The following MAD1L1 variants were observed in gnomAD, a reference collection of about 807,000 sequenced individuals.
MAD1L1 encodes mitotic arrest deficient 1 like 1.
Under a neutral mutation model 96.9 loss-of-function variants are expected in MAD1L1, and 95 were observed. The ratio of observed to expected loss-of-function variants is 0.98; its 90% CI spans 0.83 to 1.16. The LOEUF (loss-of-function observed/expected upper bound fraction) is 1.16, where lower values mean the gene tolerates loss of function less well. MAD1L1 is among the 50% of genes most tolerant of loss of function. The probability of loss-of-function intolerance (pLI) is 0.00; values close to 1 mark genes in which losing one functional copy is unlikely to be tolerated. For missense variants in MAD1L1, 1,007 were observed against 954.4 expected, an observed-to-expected ratio of 1.06 and a Z score of -0.73; for synonymous variants, 473 against 396.6, an observed-to-expected ratio of 1.19 and a Z score of -2.29.
At chr7:1,904,501 G>T (rs1420768501) in intron 17 of MAD1L1, among the ~76,000 whole-genome samples, 5 of 127,050 alleles carry the variant, frequency 3.9e-5, no homozygotes, top group African/African-American at 1.1e-4. Flanking sequence ...AGTGGCCTAT[G>T]GAAGATGCTC....
chr7:1,921,826 G>C (rs1562526480), intron 17 of MAD1L1, among the ~76,000 whole-genome samples: 1 of 151,934 alleles, frequency 6.6e-6, no homozygotes, highest in South Asian at 2.1e-4. Context: ...TTAGTGATCT[G>C]GAAAAAAAAT....
At chr7:1,945,719 G>A (rs886587661) in intron 16 of MAD1L1, among the ~76,000 whole-genome samples, 3 of 152,214 alleles carry the variant, frequency 2.0e-5, no homozygotes, top group African/African-American at 7.2e-5. Context: ...CAGCACTCAC[G>A]CGACCCCTCA....
chr7:2,216,084 CTGCACAGTGGGCTCCATG>C, intron 8 of MAD1L1, 55 bp downstream of exon 8: 4 of 1,608,466 alleles, frequency 2.5e-6, no homozygotes, highest in Non-Finnish European at 3.4e-6. Context: ...CCTACAGGGT[CTGCACAGTGGGCTCCATG>C]TGCACAAACC....
intron 15 of MAD1L1, among the ~76,000 whole-genome samples, chr7:1,970,225 C>T (rs1780342910): frequency 6.6e-6 from 1 of 151,644 alleles, no homozygotes; most frequent in Admixed American, 6.6e-5. Context: ...TGGAGGATTC[C>T]TGAAGGGTTG....
chr7:1,929,517 G>A (rs1028206029), intron 17 of MAD1L1, among the ~76,000 whole-genome samples: 1 of 152,120 alleles, frequency 6.6e-6, no homozygotes, highest in Non-Finnish European at 1.5e-5. Flanking sequence ...CCTTGTCAAA[G>A]ACACCAGGAA....
intron 18 of MAD1L1, among the ~76,000 whole-genome samples, chr7:1,896,487 T>C (rs1270168625): frequency 6.6e-6 from 1 of 152,182 alleles, no homozygotes; most frequent in Non-Finnish European, 1.5e-5. Context: ...GTCAAGATGC[T>C]ACTTGCTGAC....
In MAD1L1 at chr7:1,912,901, G is replaced by A. The variant is rs530602438; in HGVS notation, c.1808-14511C>T. 1.2e-4 allele frequency among the ~76,000 whole-genome samples: 18 copies of A among 152,254 alleles called. No individual in the cohort carries two copies. In the East Asian group the frequency reaches 2.7e-3, roughly 23 times the overall value. ...TGGCGGCGGCGAGGTCCTGGGAGACGTGGGGGCGGGGCTGTGTGGGCTCCG... is the reference window on the plus strand; with the variant it reads ...TGGCGGCGGCGAGGTCCTGGGAGACATGGGGGCGGGGCTGTGTGGGCTCCG... On this transcript the variant is annotated intron_variant, in intron 17 of 18. Coordinates refer to ENST00000265854, the MANE Select transcript of MAD1L1 (RefSeq NM_001013836.2).
intron 10 of MAD1L1, among the ~76,000 whole-genome samples, chr7:2,157,963 G>A (rs976004117): frequency 1.3e-5 from 2 of 152,150 alleles, no homozygotes; most frequent in Non-Finnish European, 2.9e-5. Flanking sequence ...TCTGAAACCC[G>A]CACTTCACCA....
intron 17 of MAD1L1, among the ~76,000 whole-genome samples, chr7:1,933,288 A>T (rs1789586805): frequency 6.6e-6 from 1 of 152,204 alleles, no homozygotes; most frequent in Non-Finnish European, 1.5e-5. Flanking sequence ...GGAGCGATCC[A>T]TGGGAGCTGT....
At chr7:1,900,595 C>T (rs945014721) in intron 17 of MAD1L1, among the ~76,000 whole-genome samples, 7 of 152,170 alleles carry the variant, frequency 4.6e-5, no homozygotes, top group African/African-American at 1.7e-4. Flanking sequence ...TCCCTGCGTC[C>T]CTCGGCTGAT....
intron 17 of MAD1L1, among the ~76,000 whole-genome samples, chr7:1,905,475 G>A (rs1261481332): frequency 4.0e-5 from 6 of 151,080 alleles, no homozygotes; most frequent in Non-Finnish European, 7.4e-5. Context: ...TATGGAAGAC[G>A]CTCTTGCGGA....
intron 17 of MAD1L1, among the ~76,000 whole-genome samples, chr7:1,906,127 T>C (rs1005858949): frequency 3.3e-5 from 5 of 150,798 alleles, no homozygotes; most frequent in African/African-American, 1.2e-4. Flanking sequence ...AGCACTGCCC[T>C]GAGGAGACCA....
At chr7:1,898,815 G>A (rs898979345) in intron 17 of MAD1L1, among the ~76,000 whole-genome samples, 2 of 152,200 alleles carry the variant, frequency 1.3e-5, no homozygotes, top group Non-Finnish European at 1.5e-5. Flanking sequence ...GGATTTAGGC[G>A]AGAACCGCGT....
chr7:1,946,190 G>T (rs1205658853), intron 16 of MAD1L1, among the ~76,000 whole-genome samples: 1 of 152,216 alleles, frequency 6.6e-6, no homozygotes, highest in Non-Finnish European at 1.5e-5. Flanking sequence ...ATTCTGGCAG[G>T]ACGCCTCCTG....
intron 18 of MAD1L1, among the ~76,000 whole-genome samples, chr7:1,843,840 G>C (rs10807751): frequency 0.54 from 82,630 of 151,796 alleles, 22,652 homozygotes; most frequent in South Asian, 0.7. Context: ...AAACGAGCGT[G>C]AGCTCCGAAT....
chr7:1,819,923 A>G (rs1372100243), intron 18 of MAD1L1, among the ~76,000 whole-genome samples: 1 of 152,100 alleles, frequency 6.6e-6, no homozygotes. Context: ...GAGGGGAGGA[A>G]GCTAGAGATG....
At chr7:1,860,119 C>A (rs1173363791) in intron 18 of MAD1L1, among the ~76,000 whole-genome samples, 1 of 146,778 alleles carries the variant, frequency 6.8e-6, no homozygotes, top group Admixed American at 6.7e-5. Flanking sequence ...CCTCTGTGTC[C>A]CTAGACCTGA....
intron 10 of MAD1L1, among the ~76,000 whole-genome samples, chr7:2,166,789 G>A (rs1354841598): frequency 6.6e-6 from 1 of 152,190 alleles, no homozygotes; most frequent in Non-Finnish European, 1.5e-5. Context: ...CGCCTGGCAG[G>A]GAGCTGCAGG....
intron 12 of MAD1L1, among the ~76,000 whole-genome samples, chr7:2,038,714 A>C (rs1783551235): frequency 7.0e-6 from 1 of 143,384 alleles, no homozygotes; most frequent in Admixed American, 6.9e-5. Flanking sequence ...GGGTTTCACC[A>C]TGCTGGCCAG....
Sources: gnomAD v4.1 joint callset for allele counts (sites outside exome capture counted in the v4.1 genomes callset) on GRCh38, gnomAD v4.1.1 for gene constraint, MANE v1.5 for transcripts, NCBI Gene and HGNC (gene_info 2026-07-23, HGNC 2026-07-21) for gene names.